The following FOXP2 variants were observed in gnomAD, a reference collection of about 807,000 sequenced individuals.
The protein encoded by FOXP2 is forkhead box P2, also known as forkhead box protein P2.
A neutral mutation model predicts 115.8 loss-of-function variants in FOXP2; 12 were observed. That is an observed-to-expected ratio of 0.10 (90% CI 0.07 to 0.17). The LOEUF (loss-of-function observed/expected upper bound fraction) is 0.17, where lower values mean the gene tolerates loss of function less well. FOXP2 is among the 10% of genes least tolerant of loss of function. FOXP2 has a pLI of 1.00. For synonymous variants in FOXP2, 328 were observed against 297.7 expected, an observed-to-expected ratio of 1.10 and a Z score of -1.05; for missense variants, 629 against 843.5, an observed-to-expected ratio of 0.75 and a Z score of 3.15.
chr7:114,646,355 T>C (rs1805891182), intron 8 of FOXP2, among the ~76,000 whole-genome samples: 1 of 152,090 alleles, frequency 6.6e-6, no homozygotes, highest in Non-Finnish European at 1.5e-5. Flanking sequence ...ATTTTGTTTA[T>C]AGCAAATTGA....
At chr7:114,420,533 T>G (rs927995411) in intron 1 of FOXP2, among the ~76,000 whole-genome samples, 7 of 151,954 alleles carry the variant, frequency 4.6e-5, no homozygotes, top group African/African-American at 1.4e-4. Context: ...TGGTGTCTTG[T>G]AAACTGTAGC....
Position 114,093,182 on chromosome 7 carries a change from C to T in FOXP2, c.-247+5344C>T, listed in dbSNP as rs528686839. Among the ~76,000 whole-genome samples the T allele has an allele frequency of 1.8e-4, 28 of 152,172 alleles. 1 individual carries two copies. The South Asian group carries it at 5.8e-3, about 32-fold the overall frequency. ...GGCCTACTGTGGACATATAAACCTC[C>T]TTGATATTCCTAAAAGCAAGATAAG... On this transcript the variant is annotated intron_variant, in intron 1 of 19. Coordinates refer to the FOXP2 transcript ENST00000635638.
intron 1 of FOXP2, among the ~76,000 whole-genome samples, chr7:114,198,890 T>G (rs1793984588): frequency 1.3e-5 from 2 of 152,206 alleles, no homozygotes; most frequent in Non-Finnish European, 2.9e-5. Context: ...AGAGTTGACA[T>G]TGCAGCTCAT....
chr7:114,319,081 T>A (rs919556922), intron 2 of FOXP2, among the ~76,000 whole-genome samples: 1 of 151,252 alleles, frequency 6.6e-6, no homozygotes, highest in African/African-American at 2.4e-5. Flanking sequence ...AGAACATTAG[T>A]GTTTAGTGGA....
At chr7:114,494,218 C>T (rs1797205770) in intron 2 of FOXP2, among the ~76,000 whole-genome samples, 1 of 152,026 alleles carries the variant, frequency 6.6e-6, no homozygotes, top group African/African-American at 2.4e-5. Flanking sequence ...AGTATTGATA[C>T]TTAGAATATT....
At chr7:114,252,314 C>G (rs543373861) in intron 1 of FOXP2, among the ~76,000 whole-genome samples, 3 of 152,158 alleles carry the variant, frequency 2.0e-5, no homozygotes, top group Admixed American at 6.6e-5. Flanking sequence ...CATAAAATGA[C>G]TTAGGGAGGA....
In FOXP2 at chr7:114,509,675, G is replaced by GA. The variant is rs1392308287; in HGVS notation, c.169-24942_169-24941insA. On this transcript the variant is annotated intron_variant, in intron 2 of 16. Coordinates refer to ENST00000350908, the MANE Select transcript of FOXP2 (RefSeq NM_014491.4). ...TTTTGTTTTGTTTTCTTTGGTGGGGGGGGGGCTTGTTAATAAGGAGTTCAG... is the reference window on the plus strand; with the variant it reads ...TTTTGTTTTGTTTTCTTTGGTGGGGGAGGGGGCTTGTTAATAAGGAGTTCAG... Among the ~76,000 whole-genome samples, 3 of 148,628 alleles carry GA rather than the reference G, an allele frequency of 2.0e-5. No individual in the cohort carries two copies. The Admixed American group carries it at 2.0e-4, about 10-fold the overall frequency.
At chr7:114,563,999 T>C (rs1474414548) in intron 3 of FOXP2, among the ~76,000 whole-genome samples, 2 of 152,156 alleles carry the variant, frequency 1.3e-5, no homozygotes. Context: ...AATGAATCTT[T>C]GGGAATCTTA....
intron 1 of FOXP2, among the ~76,000 whole-genome samples, chr7:114,266,384 G>A (rs1009329605): frequency 6.6e-6 from 1 of 152,156 alleles, no homozygotes; most frequent in Non-Finnish European, 1.5e-5. Context: ...TTGGCTTATT[G>A]TTCTGCAGAC....
In FOXP2 at chr7:114,554,848, G is replaced by A. The variant is rs75461445; in HGVS notation, c.258+20142G>A. The stretch of plus-strand genomic sequence containing the variant: ...TTAAATTCTAATTTTGGTGTTTTGC[G>A]TTTTACTACTAGTTCATCCACGTAT... On this transcript the variant is annotated intron_variant, in intron 3 of 16. Transcript: ENST00000350908. Among the ~76,000 whole-genome samples the A allele has an allele frequency of 3.0e-3, 449 of 151,854 alleles. 3 individuals carry two copies. In the East Asian group the frequency reaches 0.034, roughly 12 times the overall value.
At chr7:114,322,849 T>C (rs1664666294) in intron 2 of FOXP2, among the ~76,000 whole-genome samples, 1 of 152,172 alleles carries the variant, frequency 6.6e-6, no homozygotes, top group Admixed American at 6.5e-5. Context: ...ATTTTGTTGG[T>C]TGATATTTAT....
chr7:114,500,853 A>T (rs1797537636), intron 2 of FOXP2, among the ~76,000 whole-genome samples: 2 of 152,230 alleles, frequency 1.3e-5, no homozygotes, highest in Admixed American at 1.3e-4. Context: ...CAGGATAAAG[A>T]TGGGGAATTG....
chr7:114,446,462 A>C (rs926341031), intron 2 of FOXP2, among the ~76,000 whole-genome samples: 13 of 151,998 alleles, frequency 8.6e-5, no homozygotes, highest in African/African-American at 3.1e-4. Flanking sequence ...ATAATCTATT[A>C]ATATAAAATA....
intron 2 of FOXP2, among the ~76,000 whole-genome samples, chr7:114,514,283 A>G (rs1429890155): frequency 6.6e-6 from 1 of 152,114 alleles, no homozygotes; most frequent in Non-Finnish European, 1.5e-5. Context: ...TTAAAAATCT[A>G]CTTCCTTAGC....
rs757509611 is a variant in FOXP2, at chr7:114,659,435, A to G, written c.1545+3A>G. The G allele has an allele frequency of 1.3e-5, 21 of 1,611,190 alleles. No homozygotes were observed. Among genetic ancestry groups the G allele is most frequent in the Non-Finnish European group, 7.6e-6 (9 of 1,177,458 alleles). On this transcript the variant is annotated splice_donor_region_variant and intron_variant, in intron 12 of 16. Coordinates refer to ENST00000350908, the MANE Select transcript of FOXP2 (RefSeq NM_014491.4). ...CTTATGCAACTCTCATAAGGCAGGTAAGTAGAAGGAAAATTAACTTTGCCT... is the reference window on the plus strand; with the variant it reads ...CTTATGCAACTCTCATAAGGCAGGTGAGTAGAAGGAAAATTAACTTTGCCT...
At chr7:114,613,159 AC>A (rs1436753724) in intron 3 of FOXP2, among the ~76,000 whole-genome samples, 1 of 152,206 alleles carries the variant, frequency 6.6e-6, no homozygotes, top group Non-Finnish European at 1.5e-5. Context: ...GTGCATCATA[AC>A]TGCATTTAGA....
At chr7:114,670,246 T>A (rs1807423314) in intron 16 of FOXP2, among the ~76,000 whole-genome samples, 1 of 152,022 alleles carries the variant, frequency 6.6e-6, no homozygotes, top group Non-Finnish European at 1.5e-5. Flanking sequence ...AACGTTAATA[T>A]ATTGGATATA....
chr7:114,183,842 T>C (rs1793521517), intron 1 of FOXP2, among the ~76,000 whole-genome samples: 1 of 152,146 alleles, frequency 6.6e-6, no homozygotes, highest in East Asian at 1.9e-4. Context: ...CTTATCTGGA[T>C]CTAGTCTTGA....
At chr7:114,649,390 G>A (rs1179309450) in intron 8 of FOXP2, among the ~76,000 whole-genome samples, 2 of 152,028 alleles carry the variant, frequency 1.3e-5, no homozygotes, top group Non-Finnish European at 2.9e-5. Context: ...AATGATTAAT[G>A]AAATGTCCCT....
Sources: gnomAD v4.1 joint callset for allele counts (sites outside exome capture counted in the v4.1 genomes callset) on GRCh38, gnomAD v4.1.1 for gene constraint, MANE v1.5 for transcripts, NCBI Gene and HGNC (gene_info 2026-07-23, HGNC 2026-07-21) for gene names.